The following MMS22L variants were observed in gnomAD, a reference collection of about 807,000 sequenced individuals.
MMS22L encodes protein MMS22-like.
A neutral mutation model predicts 159.1 loss-of-function variants in MMS22L; 74 were observed. That is an observed-to-expected ratio of 0.47 (90% CI 0.39 to 0.56). The LOEUF is 0.56. Among genes scored for constraint, MMS22L ranks in the 20% least tolerant of loss-of-function variants. MMS22L has a pLI of 0.00. For synonymous variants in MMS22L, 517 were observed against 506.9 expected (o/e 1.02, Z -0.27); for missense variants, 1,351 against 1,422.1 (o/e 0.95, Z 0.80).
intron 14 of MMS22L, among the ~76,000 whole-genome samples, chr6:97,202,523 TA>T (rs1273111317): frequency 1.3e-5 from 2 of 152,218 alleles, no homozygotes; most frequent in Admixed American, 6.5e-5. Flanking sequence ...TAGCGTTGAC[TA>T]ACCTGATTAA....
chr6:97,258,181 C>G (rs536063812), intron 9 of MMS22L, among the ~76,000 whole-genome samples: 1 of 152,260 alleles, frequency 6.6e-6, no homozygotes, highest in South Asian at 2.1e-4. Context: ...ATTTGTCAAC[C>G]TAAAATTCTT....
At chr6:97,271,595 TTTA>T (rs1815742202) in intron 6 of MMS22L, 1 of 152,226 alleles carries the variant, frequency 6.6e-6, no homozygotes, top group Non-Finnish European at 1.5e-5. Context: ...GAACTTTGCT[TTTA>T]TTATTACATA....
chr6:97,222,696 T>G (rs1809779250), intron 14 of MMS22L, among the ~76,000 whole-genome samples: 1 of 151,798 alleles, frequency 6.6e-6, no homozygotes. Context: ...TCAGTAAAAA[T>G]GAAAAAGGGG....
intron 12 of MMS22L, among the ~76,000 whole-genome samples, chr6:97,233,639 C>G (rs981378422): frequency 7.9e-5 from 12 of 151,794 alleles, no homozygotes; most frequent in Non-Finnish European, 1.6e-4. Context: ...CTTTGTTTAC[C>G]CTTGCTCTCA....
At position 97,272,713 on chromosome 6, in the gene MMS22L, G is replaced by T; in HGVS notation, c.597C>A (p.Asn199Lys). The part of the protein sequence containing the change: ...SVNIGAFVNQ[N>K]QIKLFPPSWH... ...ATGAAACAAGTCAAACCTTAATCTG[G>T]TTTTGATTTACAAATGCTCCTATAT... The change falls in exon 6 of 25, where the codon AAC becomes AAA. Residue 199 changes from asparagine to lysine, a missense_variant. By Grantham distance (94) the Asn-to-Lys change is moderately conservative. Transcript: ENST00000683635. 6.2e-7 allele frequency: 1 copy of T among 1,608,480 alleles called. No homozygotes were observed. Among genetic ancestry groups the T allele is most frequent in the Admixed American group, 1.7e-5 (1 of 58,844 alleles).
chr6:97,203,553 CA>C (rs1554264115), intron 14 of MMS22L, among the ~76,000 whole-genome samples: 1 of 152,196 alleles, frequency 6.6e-6, no homozygotes, highest in Non-Finnish European at 1.5e-5. Context: ...GCTGCAGAAC[CA>C]GCTGTAATCT....
intron 11 of MMS22L, among the ~76,000 whole-genome samples, chr6:97,241,182 TAAGAA>T (rs1334840968): frequency 3.9e-5 from 6 of 152,356 alleles, no homozygotes; most frequent in African/African-American, 1.4e-4. Context: ...GTTCTATATA[TAAGAA>T]GTTTTCTCTA....
chr6:97,216,061 A>C (rs1208370462), intron 14 of MMS22L, among the ~76,000 whole-genome samples: 1 of 152,196 alleles, frequency 6.6e-6, no homozygotes, highest in African/African-American at 2.4e-5. Flanking sequence ...TAAAATTTCA[A>C]ACAGCAGTTA....
In MMS22L at chr6:97,233,815, C is replaced by A. The variant is rs1330360870; in HGVS notation, c.1302+46G>T. 10 of 1,551,420 alleles carry A rather than the reference C, an allele frequency of 6.4e-6. No homozygotes were observed. The South Asian group carries it at 9.9e-5, about 15-fold the overall frequency. Reference sequence around the variant, plus strand: ...CATAAAGACATTCCTCAAATATGTACAAATTTTTAAAATTCCTGGAGCAAA... The same window carrying A: ...CATAAAGACATTCCTCAAATATGTAAAAATTTTTAAAATTCCTGGAGCAAA... On this transcript the variant is annotated intron_variant, in intron 12 of 24. Coordinates refer to ENST00000683635, the MANE Select transcript of MMS22L (RefSeq NM_001350599.2).
At position 97,142,907 on chromosome 6, in the gene MMS22L, C is replaced by T. The variant is rs1177577546; in HGVS notation, c.*3899G>A. On this transcript the variant is annotated 3_prime_UTR_variant, in exon 25 of 25. Coordinates refer to ENST00000683635, the MANE Select transcript of MMS22L (RefSeq NM_001350599.2). ...TCTGACTCACAAATATTTTCTTATA[C>T]AGATGCTGAGGTAGAAAAAGTCAAA... 3.3e-5 allele frequency: 5 copies of T among 152,314 alleles called. No homozygotes were observed. The highest frequency in any genetic ancestry group is 7.4e-5 in the Non-Finnish European group (5 of 67,962). The allele number at this position is 152,314 out of a possible 1,614,324, so 9.4% of individuals were successfully genotyped here.
intron 14 of MMS22L, among the ~76,000 whole-genome samples, chr6:97,198,806 A>C (rs1806821065): frequency 6.6e-6 from 1 of 152,162 alleles, no homozygotes; most frequent in Admixed American, 6.5e-5. Context: ...GGTAATTTTA[A>C]GAAAAACTAC....
intron 14 of MMS22L, among the ~76,000 whole-genome samples, chr6:97,187,709 A>G (rs902344076): frequency 1.2e-4 from 18 of 152,296 alleles, no homozygotes; most frequent in African/African-American, 4.3e-4. Context: ...TGATGTTTTT[A>G]AACAGTTTAG....
intron 11 of MMS22L, among the ~76,000 whole-genome samples, chr6:97,238,370 A>G (rs1277784768): frequency 2.0e-5 from 3 of 152,212 alleles, no homozygotes; most frequent in Admixed American, 2.0e-4. Flanking sequence ...ATACATATCA[A>G]TTTTGTCAGT....
At chr6:97,221,865 A>G (rs763383911) in intron 14 of MMS22L, among the ~76,000 whole-genome samples, 2 of 152,088 alleles carry the variant, frequency 1.3e-5, no homozygotes, top group Non-Finnish European at 2.9e-5. Context: ...AACTACAGAA[A>G]TAACTCATTT....
At chr6:97,236,864 T>G (rs1320763851) in intron 11 of MMS22L, among the ~76,000 whole-genome samples, 2 of 150,092 alleles carry the variant, frequency 1.3e-5, no homozygotes, top group Non-Finnish European at 3.0e-5. Flanking sequence ...GGTAGGAGAA[T>G]GGCAAGAACC....
chr6:97,247,661 T>C (rs1812809273), intron 10 of MMS22L, among the ~76,000 whole-genome samples: 1 of 152,012 alleles, frequency 6.6e-6, no homozygotes, highest in Non-Finnish European at 1.5e-5. Flanking sequence ...TAGGTTGTAG[T>C]GAGCCAAGAT....
At chr6:97,156,614 A>T (rs1801875856) in intron 22 of MMS22L, among the ~76,000 whole-genome samples, 1 of 152,140 alleles carries the variant, frequency 6.6e-6, no homozygotes, top group Admixed American at 6.5e-5. Flanking sequence ...GTCAAAGATC[A>T]GATGGTTGTA....
chr6:97,150,471 T>C (rs901992514), intron 23 of MMS22L, among the ~76,000 whole-genome samples: 8 of 152,176 alleles, frequency 5.3e-5, no homozygotes, highest in African/African-American at 1.9e-4. Flanking sequence ...ATATTTTATG[T>C]TCCTTAACTG....
intron 14 of MMS22L, among the ~76,000 whole-genome samples, chr6:97,215,343 T>C (rs1476447938): frequency 6.6e-6 from 1 of 152,178 alleles, no homozygotes; most frequent in Non-Finnish European, 1.5e-5. Context: ...GACACTGTTC[T>C]CTAATCCAGC....
Sources: gnomAD v4.1 joint callset for allele counts (sites outside exome capture counted in the v4.1 genomes callset) on GRCh38, gnomAD v4.1.1 for gene constraint, MANE v1.5 for transcripts, NCBI Gene and HGNC (gene_info 2026-07-23, HGNC 2026-07-21) for gene names.